The following KIAA2012 variants were observed in gnomAD, a reference collection of about 807,000 sequenced individuals.
KIAA2012 encodes the protein uncharacterized protein KIAA2012.
Under a neutral mutation model 150.6 loss-of-function variants are expected in KIAA2012, and 125 were observed. The observed-to-expected ratio is 0.83, with a 90% CI of 0.72 to 0.96. KIAA2012 has a LOEUF of 0.96. Ranked by LOEUF, KIAA2012 falls within the 40% of genes least tolerant of loss-of-function variation. The pLI, the probability that KIAA2012 is intolerant of heterozygous loss-of-function variation, is 0.00. For missense variants in KIAA2012, 1,219 were observed against 1,354.9 expected, an observed-to-expected ratio of 0.90 and a Z score of 1.57; for synonymous variants, 462 against 504.7, an observed-to-expected ratio of 0.92 and a Z score of 1.13.
At chr2:202,114,056 T>A (rs553283783) in intron 11 of KIAA2012, 4 of 152,354 alleles carry the variant, frequency 2.6e-5, no homozygotes, top group African/African-American at 9.6e-5. Flanking sequence ...GCCAGCAGGC[T>A]CCTTGATGTG....
In KIAA2012 at chr2:202,093,020, T is replaced by C; in HGVS notation, c.530-10T>C. 6.5e-7 allele frequency: 1 copy of C among 1,547,432 alleles called. No individual in the cohort carries two copies. The highest frequency in any genetic ancestry group is 1.4e-5 in the African/African-American group (1 of 73,048). On this transcript the variant is annotated splice_polypyrimidine_tract_variant and intron_variant, in intron 3 of 23. Coordinates refer to ENST00000498697, the MANE Select transcript of KIAA2012 (RefSeq NM_001277372.4). ...CTATTTCTATCAATATCTCCTGATCTACTCTTCAGGATACATCAAGGATTC... is the reference window on the plus strand; with the variant it reads ...CTATTTCTATCAATATCTCCTGATCCACTCTTCAGGATACATCAAGGATTC...
At chr2:202,082,583 G>A (rs376381207) in intron 2 of KIAA2012, among the ~76,000 whole-genome samples, 8 of 132,338 alleles carry the variant, frequency 6.0e-5, no homozygotes, top group South Asian at 2.4e-4. Flanking sequence ...GTGACAGGGC[G>A]AGAGTCTGTC....
intron 15 of KIAA2012, among the ~76,000 whole-genome samples, chr2:202,173,283 T>C (rs1327619531): frequency 6.6e-6 from 1 of 152,094 alleles, no homozygotes; most frequent in Non-Finnish European, 1.5e-5. Flanking sequence ...GAAAGGAAAA[T>C]TATAGGCCGG....
At chr2:202,131,691 T>C (rs887058978) in intron 12 of KIAA2012, among the ~76,000 whole-genome samples, 11 of 152,164 alleles carry the variant, frequency 7.2e-5, no homozygotes, top group Non-Finnish European at 1.0e-4. Flanking sequence ...TAAGAATGTA[T>C]GTAGGAACTA....
chr2:202,113,457 A>G lies in KIAA2012; in HGVS notation c.1762+11A>G, dbSNP rs996550005. On this transcript the variant is annotated intron_variant, in intron 11 of 23. Transcript: ENST00000498697. ...TTCCATCGGGTAAAGGTAAGCTAAC[A>G]CATTCCAGGGCAGCCTTGTTTTTTT... 6 of 1,518,786 alleles carry G rather than the reference A, an allele frequency of 4.0e-6. No individual in the cohort carries two copies. Among genetic ancestry groups the G allele is most frequent in the Non-Finnish European group, 4.4e-6 (5 of 1,129,056 alleles). The allele number at this position is 1,518,786 out of a possible 1,614,324, so 94.1% of individuals were successfully genotyped here. A position where few individuals can be genotyped will look rare whatever the true frequency, so the allele number is the denominator to read the frequency against.
intron 9 of KIAA2012, among the ~76,000 whole-genome samples, chr2:202,108,263 G>A (rs1242801232): frequency 6.6e-6 from 1 of 152,156 alleles, no homozygotes; most frequent in Non-Finnish European, 1.5e-5. Context: ...GTAAGTTGCA[G>A]ACATTGTACC....
intron 9 of KIAA2012, 30 bp from the exon 10 acceptor site, chr2:202,109,583 C>T: frequency 1.3e-6 from 2 of 1,491,086 alleles, no homozygotes; most frequent in African/African-American, 1.4e-5. Context: ...TGTTTTCTCA[C>T]ACAGGCTTTT....
chr2:202,178,651 G>A (rs964082074), intron 15 of KIAA2012: 1 of 152,782 alleles, frequency 6.5e-6, no homozygotes, highest in Non-Finnish European at 1.5e-5. Context: ...AATACTCACA[G>A]AACTACCCTT....
In KIAA2012 at chr2:202,184,735, G is replaced by A; in HGVS notation, c.2120-18G>A. 6.7e-7 allele frequency: 1 copy of A among 1,503,242 alleles called. No individual in the cohort carries two copies. Among genetic ancestry groups the A allele is most frequent in the East Asian group, 2.5e-5 (1 of 39,630 alleles). The allele number at this position is 1,503,242 out of a possible 1,614,324, so 93.1% of individuals were successfully genotyped here. On this transcript the variant is annotated intron_variant, in intron 15 of 23. Transcript: ENST00000498697. ...AACTGCCTGTTGTCCTTTATTGATT[G>A]ATACTCTGTTTTCACAGACCCAGAG...
chr2:202,188,050 A>T, intron 17 of KIAA2012, 102 bp from the exon 18 acceptor site: 2 of 942,608 alleles, frequency 2.1e-6, no homozygotes, highest in Non-Finnish European at 3.1e-6. Context: ...CACAAATTCC[A>T]TTCTAAGCCA....
intron 12 of KIAA2012, among the ~76,000 whole-genome samples, chr2:202,128,903 T>C (rs906148895): frequency 6.6e-6 from 1 of 152,060 alleles, no homozygotes; most frequent in Non-Finnish European, 1.5e-5. Flanking sequence ...ATATTCCCCA[T>C]TTGTTGCTAA....
intron 22 of KIAA2012, chr2:202,201,489 G>C: frequency 6.2e-7 from 1 of 1,602,370 alleles, no homozygotes; most frequent in East Asian, 2.2e-5. Context: ...AGCACTGGGA[G>C]GGCATCCAGG....
At chr2:202,100,715 A>C (rs1424001019) in intron 7 of KIAA2012, among the ~76,000 whole-genome samples, 1 of 152,214 alleles carries the variant, frequency 6.6e-6, no homozygotes, top group Non-Finnish European at 1.5e-5. Context: ...TAGCAACAGA[A>C]TTCTTTGATT....
At chr2:202,173,887 T>C (rs1222908077) in intron 15 of KIAA2012, among the ~76,000 whole-genome samples, 1 of 152,232 alleles carries the variant, frequency 6.6e-6, no homozygotes, top group African/African-American at 2.4e-5. Flanking sequence ...GGCTTCTTGA[T>C]TTTGACAAAG....
rs1193702204 is a variant in KIAA2012, at chr2:202,104,988, C to G, written c.1325-773C>G. 6.6e-6 allele frequency among the ~76,000 whole-genome samples: 1 copy of G among 152,186 alleles called. No homozygotes were observed. Among genetic ancestry groups the G allele is most frequent in the African/African-American group, 2.4e-5 (1 of 41,440 alleles). The stretch of plus-strand genomic sequence containing the variant: ...CAGATGCACTGAGCTTACCAACACA[C>G]TGACAATGAAACACAGGAATCGGGT... On this transcript the variant is annotated intron_variant, in intron 8 of 23. Transcript: ENST00000498697. The surrounding 1 kb of genome is among the most constrained non-coding windows in gnomAD (Gnocchi z 4.3).
chr2:202,117,383 T>C (rs1184732749), intron 11 of KIAA2012, among the ~76,000 whole-genome samples: 1 of 152,220 alleles, frequency 6.6e-6, no homozygotes, highest in Non-Finnish European at 1.5e-5. Flanking sequence ...GATAAGTTGG[T>C]TGTGGGACCC....
At chr2:202,124,875 C>T (rs1001892510) in intron 11 of KIAA2012, among the ~76,000 whole-genome samples, 3 of 152,176 alleles carry the variant, frequency 2.0e-5, no homozygotes, top group African/African-American at 7.2e-5. Context: ...TCGAGACCAG[C>T]TTGGCCAACA....
Position 202,193,292 on chromosome 2 carries a change from G to A in KIAA2012, c.2812-9G>A. ...TGTTTATTGCACTGAGAACACTCTG[G>A]TTTCTTAGGCCCTCCTCACTAAGAG... On this transcript the variant is annotated splice_polypyrimidine_tract_variant and intron_variant, in intron 19 of 23. Transcript: ENST00000498697. 6.5e-7 allele frequency: 1 copy of A among 1,548,868 alleles called. No homozygotes were observed. The highest frequency in any genetic ancestry group is 8.7e-7 in the Non-Finnish European group (1 of 1,146,760).
At chr2:202,083,717 C>T (rs747639585) in intron 2 of KIAA2012, among the ~76,000 whole-genome samples, 1 of 123,718 alleles carries the variant, frequency 8.1e-6, no homozygotes, top group Non-Finnish European at 1.6e-5. Flanking sequence ...AGATGCTCAA[C>T]AAATTGTTTA....
Sources: allele counts gnomAD v4.1 joint callset (sites outside exome capture counted in the v4.1 genomes callset), GRCh38; gene constraint gnomAD v4.1.1; non-coding constraint Gnocchi (gnomAD v3.1); transcripts MANE v1.5; gene names NCBI Gene and HGNC (gene_info 2026-07-23, HGNC 2026-07-21).